The following RBFOX1 variants were observed in gnomAD, a reference collection of about 807,000 sequenced individuals.
The protein encoded by RBFOX1 is RNA binding protein fox-1 homolog 1.
A neutral mutation model predicts 57.7 loss-of-function variants in RBFOX1; 8 were observed. The observed-to-expected ratio is 0.14, with a 90% confidence interval of 0.08 to 0.25. The LOEUF is 0.25. Ranked by LOEUF, RBFOX1 falls within the 10% of genes least tolerant of loss-of-function variation. The pLI is 1.00. For synonymous variants in RBFOX1, 326 were observed against 222.4 expected (o/e 1.47, Z -4.15); for missense variants, 611 against 548.5 (o/e 1.11, Z -1.14).
At chr16:5,701,092 C>G (rs1481780660) in intron 3 of RBFOX1, among the ~76,000 whole-genome samples, 1 of 147,884 alleles carries the variant, frequency 6.8e-6, no homozygotes, top group Non-Finnish European at 1.5e-5. Context: ...TCTTCTTGCC[C>G]TGATGATACC....
At chr16:6,741,368 T>C (rs2072052268) in intron 3 of RBFOX1, among the ~76,000 whole-genome samples, 1 of 152,072 alleles carries the variant, frequency 6.6e-6, no homozygotes, top group Admixed American at 6.6e-5. Flanking sequence ...TAAATTAGAC[T>C]TCATCAAAAT....
chr16:6,695,441 AAGGAAG>A lies in RBFOX1; in HGVS notation c.-16+40792_-16+40797del, dbSNP rs773548986. Among the ~76,000 whole-genome samples the A allele has an allele frequency of 7.3e-3, 490 of 67,112 alleles. 4 individuals are homozygous for A. The highest frequency in any genetic ancestry group is 0.051 in the Middle Eastern group (7 of 138). The allele number at this position is 67,112 out of a possible 152,430, so 44.0% of individuals were successfully genotyped here. A position where few individuals can be genotyped will look rare whatever the true frequency, so the allele number is the denominator to read the frequency against. ...AAAAAAAAAAAAAAAAAAAAAAGGA[AAGGAAG>A]GGAAAGGAAAGGAAAAGAAAATGAC... is the stretch of plus-strand genomic sequence containing the variant. On this transcript the variant is annotated intron_variant, in intron 3 of 15. Coordinates refer to ENST00000550418, the MANE Select transcript of RBFOX1 (RefSeq NM_018723.4).
At chr16:6,565,764 A>C (rs1165691170) in intron 2 of RBFOX1, among the ~76,000 whole-genome samples, 1 of 152,214 alleles carries the variant, frequency 6.6e-6, no homozygotes, top group Non-Finnish European at 1.5e-5. Context: ...CACTGCACCC[A>C]GCTCACTTTT....
At chr16:5,861,535 C>T (rs984565041) in intron 3 of RBFOX1, among the ~76,000 whole-genome samples, 2 of 152,244 alleles carry the variant, frequency 1.3e-5, no homozygotes, top group African/African-American at 4.8e-5. Context: ...GGGACTCCTA[C>T]ATGAGAAAGG....
rs367889817 is a variant in RBFOX1, at chr16:7,536,655, C to T, written c.270+18266C>T. Among the ~76,000 whole-genome samples the T allele has an allele frequency of 9.2e-5, 14 of 152,178 alleles. No homozygotes were observed. The East Asian group carries it at 1.9e-3, about 21-fold the overall frequency. ...ATGCAGAGAAAGGTGGGTGGATGTC[C>T]TGGGTAGGACAGACAGCAGATGTGG... On this transcript the variant is annotated intron_variant, in intron 5 of 15. Transcript: ENST00000550418.
At chr16:6,648,121 G>A (rs1299295310) in intron 2 of RBFOX1, among the ~76,000 whole-genome samples, 3 of 152,152 alleles carry the variant, frequency 2.0e-5, no homozygotes, top group African/African-American at 7.2e-5. Flanking sequence ...GGGATTACAG[G>A]CATGAGCCAC....
intron 2 of RBFOX1, among the ~76,000 whole-genome samples, chr16:6,600,908 A>G (rs576719570): frequency 1.9e-4 from 29 of 152,326 alleles, no homozygotes; most frequent in African/African-American, 6.0e-4. Flanking sequence ...CTCTAATATG[A>G]CTAAACAAAG....
At chr16:7,471,010 AC>A (rs1285760472) in intron 4 of RBFOX1, among the ~76,000 whole-genome samples, 2 of 152,176 alleles carry the variant, frequency 1.3e-5, no homozygotes, top group African/African-American at 4.8e-5. Flanking sequence ...ATTTTATTGA[AC>A]TTTTAAGTAT....
At chr16:6,739,731 G>T (rs1157412960) in intron 3 of RBFOX1, among the ~76,000 whole-genome samples, 1 of 152,030 alleles carries the variant, frequency 6.6e-6, no homozygotes, top group Non-Finnish European at 1.5e-5. Context: ...ACAAAAATTA[G>T]CTGGGCGTGG....
chr16:5,878,287 T>C (rs2057668413), intron 4 of RBFOX1, among the ~76,000 whole-genome samples: 2 of 152,188 alleles, frequency 1.3e-5, no homozygotes, highest in South Asian at 2.1e-4. Flanking sequence ...CAGTTATTAA[T>C]GCTCACTGTA....
intron 3 of RBFOX1, among the ~76,000 whole-genome samples, chr16:6,774,875 A>G (rs1242492873): frequency 1.3e-5 from 2 of 152,108 alleles, no homozygotes; most frequent in South Asian, 2.1e-4. Flanking sequence ...AGGGGCTTTT[A>G]AAATAATTTT....
chr16:6,599,177 G>A lies in RBFOX1; in HGVS notation c.-63-55426G>A, dbSNP rs925836776. ...CAAATTTTTCTCTTCTAACCCACAT[G>A]TTTCTACTGTTCTCATCCAAAGACG... On this transcript the variant is annotated intron_variant, in intron 2 of 15. Coordinates refer to ENST00000550418, the MANE Select transcript of RBFOX1 (RefSeq NM_018723.4). 1.7e-4 allele frequency among the ~76,000 whole-genome samples: 26 copies of A among 152,120 alleles called. 1 individual carries two copies. The highest frequency in any genetic ancestry group is 6.0e-4 in the African/African-American group (25 of 41,394).
chr16:7,603,364 G>A lies in RBFOX1; in HGVS notation c.623-3921G>A, dbSNP rs148884243. Among the ~76,000 whole-genome samples the A allele has an allele frequency of 4.4e-3, 671 of 152,290 alleles. 7 individuals are homozygous for A. Among genetic ancestry groups the A allele is most frequent in the African/African-American group, 0.015 (642 of 41,548 alleles). ...TTTTAGGTGCTGGAGATTCATGTTG[G>A]ACAGCAGTCTTGCCTGCTTGACTGT... is the stretch of plus-strand genomic sequence containing the variant. On this transcript the variant is annotated intron_variant, in intron 9 of 15. Coordinates refer to ENST00000550418, the MANE Select transcript of RBFOX1 (RefSeq NM_018723.4).
chr16:6,664,609 A>C (rs2098720654), intron 3 of RBFOX1, among the ~76,000 whole-genome samples: 1 of 152,146 alleles, frequency 6.6e-6, no homozygotes, highest in Non-Finnish European at 1.5e-5. Context: ...ACCACCAGTG[A>C]GATTCGACAT....
At chr16:6,108,282 C>T (rs2096405801) in intron 1 of RBFOX1, among the ~76,000 whole-genome samples, 1 of 151,992 alleles carries the variant, frequency 6.6e-6, no homozygotes, top group African/African-American at 2.4e-5. Flanking sequence ...GAAGAGGGCC[C>T]CGGAATCAGC....
intron 4 of RBFOX1, among the ~76,000 whole-genome samples, chr16:7,412,908 G>C (rs942784906): frequency 6.6e-6 from 1 of 152,152 alleles, no homozygotes; most frequent in Non-Finnish European, 1.5e-5. Context: ...CAGGCGCCAT[G>C]GTGGGCGCCT....
intron 4 of RBFOX1, among the ~76,000 whole-genome samples, chr16:7,376,787 C>G (rs2097693252): frequency 6.6e-6 from 1 of 152,156 alleles, no homozygotes; most frequent in Admixed American, 6.5e-5. Context: ...CTGAGTTCAT[C>G]TTGGCTGATG....
intron 3 of RBFOX1, among the ~76,000 whole-genome samples, chr16:6,732,429 AC>A (rs1414915881): frequency 2.2e-4 from 33 of 152,194 alleles, no homozygotes; most frequent in Admixed American, 6.5e-4. Context: ...CCTGCACTGC[AC>A]CTGCACTGGG....
intron 4 of RBFOX1, among the ~76,000 whole-genome samples, chr16:7,265,716 T>A (rs924330532): frequency 6.6e-6 from 1 of 152,228 alleles, no homozygotes; most frequent in Admixed American, 6.5e-5. Flanking sequence ...CCCAGTGTGC[T>A]GGGATTATAG....
Sources: gnomAD v4.1 joint callset for allele counts (sites outside exome capture counted in the v4.1 genomes callset) on GRCh38, gnomAD v4.1.1 for gene constraint, MANE v1.5 for transcripts, NCBI Gene and HGNC (gene_info 2026-07-23, HGNC 2026-07-21) for gene names.